The following MSH3 variants were observed in gnomAD, a reference collection of about 807,000 sequenced individuals.
MSH3 encodes the protein mutS homolog 3, also known as DNA mismatch repair protein Msh3.
Under a neutral mutation model 123.3 loss-of-function variants are expected in MSH3, and 106 were observed. The ratio of observed to expected loss-of-function variants is 0.86; its 90% CI spans 0.73 to 1.01. The LOEUF (loss-of-function observed/expected upper bound fraction) is 1.01. Among genes scored for constraint, MSH3 ranks in the 50% least tolerant of loss-of-function variants. MSH3 has a pLI of 0.00. For missense variants in MSH3, 1,459 were observed against 1,347.6 expected (o/e 1.08, Z -1.29); for synonymous variants, 515 against 481.4 (o/e 1.07, Z -0.91).
At chr5:80,685,079 GATTTTCGCATCAAT>G (rs1328596548) in intron 8 of MSH3, among the ~76,000 whole-genome samples, 1 of 151,714 alleles carries the variant, frequency 6.6e-6, no homozygotes, top group Non-Finnish European at 1.5e-5. Flanking sequence ...TTTTGCTGAG[GATTTTCGCATCAAT>G]ATTCATCAAG....
In MSH3 at chr5:80,695,655, T is replaced by C. The variant is rs529824631; in HGVS notation, c.1340+16562T>C. Among the ~76,000 whole-genome samples the C allele has an allele frequency of 1.7e-4, 26 of 152,284 alleles. 1 individual carries two copies. In the South Asian group the frequency reaches 5.2e-3, roughly 30 times the overall value. ...GGCCCATTTTTTTGTTTATGCCTTC[T>C]ATTACGTTGCAGAGAATTTTTCCTT... On this transcript the variant is annotated intron_variant, in intron 8 of 23. Transcript: ENST00000265081.
chr5:80,679,888 G>C (rs1426555890), intron 8 of MSH3, among the ~76,000 whole-genome samples: 1 of 152,194 alleles, frequency 6.6e-6, no homozygotes, highest in Non-Finnish European at 1.5e-5. Flanking sequence ...CAGCGAAGTA[G>C]ACTGTATATT....
chr5:80,784,328 C>A (rs1426582200), intron 17 of MSH3, among the ~76,000 whole-genome samples: 1 of 150,552 alleles, frequency 6.6e-6, no homozygotes, highest in Non-Finnish European at 1.5e-5. Context: ...TTTAGGGTGA[C>A]TCTTAACTCT....
intron 19 of MSH3, among the ~76,000 whole-genome samples, chr5:80,808,071 A>G (rs563877765): frequency 6.6e-6 from 1 of 152,270 alleles, no homozygotes; most frequent in Non-Finnish European, 1.5e-5. Context: ...TACATCTTTT[A>G]TTAGATTAAT....
chr5:80,654,905 G>GCCGCAGCGCCCGCAGCGC lies in MSH3; in HGVS notation c.189_190insGCAGCGCCCGCAGCGCCC (p.Pro63_Pro64insAlaAlaProAlaAlaPro), dbSNP rs1554066076. 2.7e-4 allele frequency: 408 copies of GCCGCAGCGCCCGCAGCGC among 1,494,428 alleles called. No homozygotes were observed. In the East Asian group the frequency reaches 4.4e-3, roughly 16 times the overall value. The allele number at this position is 1,494,428 out of a possible 1,614,324, so 92.6% of individuals were successfully genotyped here. ...TGCAGCGGCTGCAGCGGCCGCAGCGGCCGCAGCGCCCCCAGCGCCCCCAGC... is the reference window on the plus strand; with the variant it reads ...TGCAGCGGCTGCAGCGGCCGCAGCGGCCGCAGCGCCCGCAGCGCCCGCAGCGCCCCCAGCGCCCCCAGC... On this transcript the variant is annotated inframe_insertion, in exon 1 of 24. Coordinates refer to ENST00000265081, the MANE Select transcript of MSH3 (RefSeq NM_002439.5).
intron 20 of MSH3, among the ~76,000 whole-genome samples, chr5:80,824,417 A>C (rs1361580839): frequency 1.3e-5 from 2 of 150,236 alleles, no homozygotes; most frequent in Non-Finnish European, 3.0e-5. Context: ...TCCCTCCCAG[A>C]CGGGGCGGCT....
At chr5:80,779,185 A>T (rs1475971463) in intron 17 of MSH3, among the ~76,000 whole-genome samples, 2 of 151,526 alleles carry the variant, frequency 1.3e-5, no homozygotes, top group Non-Finnish European at 2.9e-5. Flanking sequence ...TAGAGACGGG[A>T]TTTCGCCATG....
chr5:80,862,133 C>T (rs965707292), intron 21 of MSH3, among the ~76,000 whole-genome samples: 3 of 152,070 alleles, frequency 2.0e-5, no homozygotes, highest in South Asian at 2.1e-4. Flanking sequence ...AGCACAGTGT[C>T]GGATCCCAGA....
intron 8 of MSH3, among the ~76,000 whole-genome samples, chr5:80,704,010 G>A (rs915356017): frequency 5.3e-5 from 8 of 152,142 alleles, no homozygotes; most frequent in Non-Finnish European, 7.3e-5. Flanking sequence ...TTGGCCTGCA[G>A]GCCACAATGG....
intron 7 of MSH3, among the ~76,000 whole-genome samples, chr5:80,676,353 C>T (rs1182632771): frequency 6.6e-6 from 1 of 152,150 alleles, no homozygotes; most frequent in Non-Finnish European, 1.5e-5. Context: ...TATTGATTTT[C>T]TGGCAGTTTA....
intron 17 of MSH3, among the ~76,000 whole-genome samples, chr5:80,779,550 A>ATTT (rs750366394): frequency 2.9e-5 from 4 of 138,214 alleles, no homozygotes; most frequent in Non-Finnish European, 4.7e-5. Flanking sequence ...ATTAACATTA[A>ATTT]TTTTTTTTTT....
chr5:80,869,099 A>T (rs993072829), intron 22 of MSH3, among the ~76,000 whole-genome samples: 1 of 152,202 alleles, frequency 6.6e-6, no homozygotes, highest in Non-Finnish European at 1.5e-5. Flanking sequence ...GTTTTAGTCT[A>T]TTCCAATCTG....
At chr5:80,873,899 A>C (rs576670926) in intron 23 of MSH3, among the ~76,000 whole-genome samples, 1 of 152,218 alleles carries the variant, frequency 6.6e-6, no homozygotes, top group Non-Finnish European at 1.5e-5. Flanking sequence ...TGAAAGAAAG[A>C]TATTCCTAGA....
In MSH3 at chr5:80,727,021, A is replaced by C. The variant is rs1743314154; in HGVS notation, c.1453+1456A>C. Among the ~76,000 whole-genome samples, 2 of 152,244 alleles carry C rather than the reference A, an allele frequency of 1.3e-5. 1 individual carries two copies. The highest frequency in any genetic ancestry group is 4.1e-4 in the South Asian group (2 of 4,834). On this transcript the variant is annotated intron_variant, in intron 9 of 23. Transcript: ENST00000265081. Reference sequence around the variant, plus strand: ...AAGGAGACTCACATCAAGTGAGCGTAAGCGCCACCCTGGCTTAGAAGCTCC... The same window carrying C: ...AAGGAGACTCACATCAAGTGAGCGTCAGCGCCACCCTGGCTTAGAAGCTCC...
At chr5:80,757,193 T>C (rs1743941980) in intron 12 of MSH3, among the ~76,000 whole-genome samples, 1 of 152,104 alleles carries the variant, frequency 6.6e-6, no homozygotes, top group South Asian at 2.1e-4. Flanking sequence ...AAATGGGGTA[T>C]CCATCACCCC....
intron 19 of MSH3, among the ~76,000 whole-genome samples, chr5:80,801,519 G>A (rs1456717974): frequency 6.6e-6 from 1 of 152,130 alleles, no homozygotes; most frequent in African/African-American, 2.4e-5. Context: ...AACTTCTAAA[G>A]CCTTGAAGTT....
Position 80,674,967 on chromosome 5 carries a change from C to G in MSH3, c.1028-16C>G. 6.5e-7 allele frequency: 1 copy of G among 1,530,650 alleles called. No homozygotes were observed. The highest frequency in any genetic ancestry group is 1.7e-5 in the Admixed American group (1 of 57,660). 94.8% of individuals were successfully genotyped at this position (1,530,650 alleles called of 1,614,324 possible). A position where few individuals can be genotyped will look rare whatever the true frequency, so the allele number is the denominator to read the frequency against. On this transcript the variant is annotated splice_polypyrimidine_tract_variant and intron_variant, in intron 6 of 23. Coordinates refer to ENST00000265081, the MANE Select transcript of MSH3 (RefSeq NM_002439.5). ...TAGAATTTAGCATATAATTATTTTT[C>G]TTTAATTATTATTAAATGTGAATCC...
rs570859054 is a variant in MSH3 at position 80,827,118 on chromosome 5, G to C, written c.2813+13377G>C. Among the ~76,000 whole-genome samples, 4 of 152,222 alleles carry C rather than the reference G, an allele frequency of 2.6e-5. No homozygotes were observed. In the East Asian group the frequency reaches 7.7e-4, roughly 29 times the overall value. ...AATCTCATCTAGCCTTTTAGACTCA[G>C]TAATTAAGTTTTAGAAAAGCAATGA... is the stretch of plus-strand genomic sequence containing the variant. On this transcript the variant is annotated intron_variant, in intron 20 of 23. Transcript: ENST00000265081.
intron 13 of MSH3, among the ~76,000 whole-genome samples, chr5:80,762,780 T>TATGTTATGTTATG (rs1561469547): frequency 9.1e-6 from 1 of 109,886 alleles, no homozygotes; most frequent in African/African-American, 4.0e-5. Flanking sequence ...ATTTTAATTT[T>TATGTTATGTTATG]TTATTTTATT....
Sources: allele counts gnomAD v4.1 joint callset (sites outside exome capture counted in the v4.1 genomes callset), GRCh38; gene constraint gnomAD v4.1.1; transcripts MANE v1.5; gene names NCBI Gene and HGNC (gene_info 2026-07-23, HGNC 2026-07-21).